The following PISD variants were observed in gnomAD, a reference collection of about 807,000 sequenced individuals.
The protein encoded by PISD is phosphatidylserine decarboxylase proenzyme, mitochondrial.
In PISD, 31 loss-of-function variants were observed where a neutral mutation model predicts 43.5. That is an observed-to-expected ratio of 0.71 (90% CI 0.54 to 0.96). PISD has a LOEUF of 0.96. Ranked by LOEUF, PISD falls within the 40% of genes least tolerant of loss-of-function variation. The probability of loss-of-function intolerance (pLI) is 0.00; values close to 1 mark genes in which losing one functional copy is unlikely to be tolerated. For synonymous variants in PISD, 259 were observed against 228.7 expected (o/e 1.13, Z -1.20); for missense variants, 523 against 548.4 (o/e 0.95, Z 0.46).
chr22:31,652,801 G>A (rs1231732302), intron 1 of PISD, among the ~76,000 whole-genome samples: 5 of 151,860 alleles, frequency 3.3e-5, no homozygotes, highest in Non-Finnish European at 7.4e-5. Context: ...CACTGTGGGA[G>A]GCTGAGGTGG....
chr22:31,635,851 A>AG (rs1279880060), intron 3 of PISD, among the ~76,000 whole-genome samples: 2 of 152,220 alleles, frequency 1.3e-5, no homozygotes, highest in African/African-American at 4.8e-5. Context: ...GGCAGGCAGG[A>AG]GGCTCTGCTT....
At chr22:31,635,533 C>T (rs893557376) in intron 3 of PISD, among the ~76,000 whole-genome samples, 2 of 152,204 alleles carry the variant, frequency 1.3e-5, no homozygotes, top group African/African-American at 4.8e-5. Context: ...AAACTCCTGA[C>T]CTCAGGTGAT....
chr22:31,622,366 T>G (rs2072633199), intron 3 of PISD, among the ~76,000 whole-genome samples: 1 of 152,210 alleles, frequency 6.6e-6, no homozygotes. Flanking sequence ...GCCCAAAGTG[T>G]GTCCCTCTGT....
In PISD at chr22:31,656,576, G is replaced by A. The variant is rs575678699; in HGVS notation, c.65+5568C>T. On this transcript the variant is annotated intron_variant, in intron 1 of 7. Transcript: ENST00000439502. ...AGGCAGAAGAATTGCTTGAATCTGGGAGACGGAGGTTGCAGGGAGCCGAGA... is the reference window on the plus strand; with the variant it reads ...AGGCAGAAGAATTGCTTGAATCTGGAAGACGGAGGTTGCAGGGAGCCGAGA... 4.0e-5 allele frequency among the ~76,000 whole-genome samples: 6 copies of A among 151,452 alleles called. No individual in the cohort carries two copies. The East Asian group carries it at 1.2e-3, about 29-fold the overall frequency.
chr22:31,656,277 G>A (rs1347159753), intron 1 of PISD, among the ~76,000 whole-genome samples: 1 of 152,058 alleles, frequency 6.6e-6, no homozygotes, highest in Non-Finnish European at 1.5e-5. Context: ...CCAGGAGGTG[G>A]AGGTTGCAAT....
chr22:31,625,615 C>G, intron 3 of PISD: 1 of 981,186 alleles, frequency 1.0e-6, no homozygotes, highest in Non-Finnish European at 1.5e-6. Context: ...GTGCTCAGGC[C>G]CCCCAGGCCA....
At chr22:31,637,540 AG>A in intron 3 of PISD, among the ~76,000 whole-genome samples, 1 of 151,970 alleles carries the variant, frequency 6.6e-6, no homozygotes, top group Non-Finnish European at 1.5e-5. Flanking sequence ...CGGCAGCCAC[AG>A]GGCTGTTCTG....
At chr22:31,625,772 G>T in intron 3 of PISD, 3 of 1,592,186 alleles carry the variant, frequency 1.9e-6, no homozygotes, top group Non-Finnish European at 1.7e-6. Flanking sequence ...CCATTTCGCC[G>T]CGCGGAGCTC....
In PISD at chr22:31,628,786, C is replaced by T. The variant is rs12167269; in HGVS notation, c.322-6901G>A. Reference sequence around the variant, plus strand: ...CAGCTGCAACCATGGCCCAGAACAACTGCTCAGAAACCCCACTTCCACCTA... The same window carrying T: ...CAGCTGCAACCATGGCCCAGAACAATTGCTCAGAAACCCCACTTCCACCTA... On this transcript the variant is annotated intron_variant, in intron 3 of 7. Transcript: ENST00000439502. The T allele has an allele frequency of 3.5e-3, 3,412 of 979,874 alleles. 83 individuals are homozygous for T. In the African/African-American group the frequency reaches 0.049, roughly 14 times the overall value. 60.7% of individuals were successfully genotyped at this position (979,874 alleles called of 1,614,324 possible).
intron 3 of PISD, chr22:31,625,482 C>A: frequency 1.8e-6 from 1 of 561,538 alleles, no homozygotes; most frequent in East Asian, 3.0e-5. Flanking sequence ...AGCAGGGGGC[C>A]TGGGAGCACC....
intron 3 of PISD, chr22:31,632,258 G>A (rs1320207508): frequency 2.6e-5 from 26 of 984,740 alleles, no homozygotes; most frequent in Non-Finnish European, 3.0e-5. Flanking sequence ...GACAGATAGG[G>A]TCCTCCTCCA....
intron 3 of PISD, chr22:31,623,919 C>T (rs2072728655): frequency 1.4e-5 from 20 of 1,437,926 alleles, no homozygotes; most frequent in Non-Finnish European, 1.9e-5. Context: ...GAGGCTGCCA[C>T]CTGCACCCAG....
In PISD at chr22:31,619,495, A is replaced by G. The variant is rs565757766; in HGVS notation, c.*117T>C. 1,014 of 775,150 alleles carry G rather than the reference A, an allele frequency of 1.3e-3. 1 individual carries two copies. Among genetic ancestry groups the G allele is most frequent in the Admixed American group, 1.8e-3 (91 of 50,154 alleles). The allele number at this position is 775,150 out of a possible 1,614,324, so 48.0% of individuals were successfully genotyped here. Reference sequence around the variant, plus strand: ...AATCATTCAAGTCCTACCTGGTCAGACTCCCAACCACGCTGAGGCAGGCCC... The same window carrying G: ...AATCATTCAAGTCCTACCTGGTCAGGCTCCCAACCACGCTGAGGCAGGCCC... On this transcript the variant is annotated 3_prime_UTR_variant, in exon 8 of 8. Transcript: ENST00000439502.
chr22:31,662,219 C>T (rs757887180), upstream of PISD: 55 of 1,602,224 alleles, frequency 3.4e-5, no homozygotes, highest in Middle Eastern at 1.6e-4. Flanking sequence ...CTTGTCTGCT[C>T]CTTCTCAGCG....
intron 3 of PISD, among the ~76,000 whole-genome samples, chr22:31,633,716 A>AAAACAAAC (rs111689818): frequency 1.5e-4 from 23 of 151,922 alleles, no homozygotes; most frequent in African/African-American, 5.1e-4. Flanking sequence ...CTCGTCTCAA[A>AAAACAAAC]AAACAAACAA....
At chr22:31,638,144 G>T (rs1189269122) in intron 3 of PISD, among the ~76,000 whole-genome samples, 1 of 152,222 alleles carries the variant, frequency 6.6e-6, no homozygotes, top group Non-Finnish European at 1.5e-5. Flanking sequence ...TGGCTGTGGG[G>T]CTGCTGCCAG....
chr22:31,628,262 A>G (rs1317708724), intron 3 of PISD: 1 of 881,166 alleles, frequency 1.1e-6, no homozygotes, highest in Non-Finnish European at 1.4e-6. Flanking sequence ...CTTGCTTCCC[A>G]AGGCCAAGCC....
chr22:31,644,185 C>T (rs1270771913), intron 3 of PISD, among the ~76,000 whole-genome samples: 2 of 152,068 alleles, frequency 1.3e-5, no homozygotes, highest in East Asian at 1.9e-4. Flanking sequence ...AGATCTTGCA[C>T]CTAGCCCAAA....
chr22:31,662,401 G>C (rs2074348875), upstream of PISD: 1 of 602,128 alleles, frequency 1.7e-6, no homozygotes, highest in Non-Finnish European at 3.0e-6. Context: ...TAGTGGAGCT[G>C]TAGGTTTCGC....
Sources: allele counts gnomAD v4.1 joint callset (sites outside exome capture counted in the v4.1 genomes callset), GRCh38; gene constraint gnomAD v4.1.1; transcripts MANE v1.5; gene names NCBI Gene and HGNC (gene_info 2026-07-23, HGNC 2026-07-21).